HPD: variants seen among roughly 807,000 people sequenced by gnomAD.
HPD encodes 4-hydroxyphenylpyruvic acid oxidase.
HPD carries 35 observed loss-of-function variants against 56.9 expected under a neutral mutation model. That is an observed-to-expected ratio of 0.62 (90% CI 0.47 to 0.82). The LOEUF (loss-of-function observed/expected upper bound fraction) is 0.82, where lower values mean the gene tolerates loss of function less well. Among genes scored for constraint, HPD ranks in the 40% least tolerant of loss-of-function variants. The pLI, the probability that HPD is intolerant of heterozygous loss-of-function variation, is 0.00. For missense variants in HPD, 442 were observed against 506.8 expected (o/e 0.87, Z 1.23); for synonymous variants, 186 against 200.2 (o/e 0.93, Z 0.60).
In HPD at chr12:121,845,600, C is replaced by CA. The variant is rs368263414; in HGVS notation, c.831+1261dup. Among the ~76,000 whole-genome samples the CA allele has an allele frequency of 6.6e-3, 609 of 92,526 alleles. 5 individuals are homozygous for CA. Among genetic ancestry groups the CA allele is most frequent in the African/African-American group, 0.021 (496 of 23,504 alleles). 60.7% of individuals were successfully genotyped at this position (92,526 alleles called of 152,430 possible). A position where few individuals can be genotyped will look rare whatever the true frequency, so the allele number is the denominator to read the frequency against. On this transcript the variant is annotated intron_variant, in intron 11 of 13. Coordinates refer to ENST00000289004, the MANE Select transcript of HPD (RefSeq NM_002150.3). The stretch of plus-strand genomic sequence containing the variant: ...TGGGCGACAGAGCCAGGCTCCGTCT[C>CA]AAAAAAAAAAAAAAAAAAAAGGATG...
the HPD span, among the ~76,000 whole-genome samples, chr12:121,880,201 TTC>T: frequency 6.6e-6 from 1 of 151,854 alleles, no homozygotes; most frequent in Non-Finnish European, 1.5e-5. Flanking sequence ...GATTTCTTTT[TTC>T]TTTCTTTCTT....
chr12:121,873,370 T>C, the HPD span, among the ~76,000 whole-genome samples: 1 of 152,168 alleles, frequency 6.6e-6, no homozygotes, highest in African/African-American at 2.4e-5. Flanking sequence ...GTAGAGAGGC[T>C]GGTCCCTTTC....
At chr12:121,871,529 C>T in the HPD span, among the ~76,000 whole-genome samples, 1 of 152,302 alleles carries the variant, frequency 6.6e-6, no homozygotes, top group Admixed American at 6.5e-5. Context: ...ACAGCTCTCC[C>T]AAGCAAGGGC....
At chr12:121,849,415 GA>G (rs1877690626) in intron 8 of HPD, among the ~76,000 whole-genome samples, 1 of 152,050 alleles carries the variant, frequency 6.6e-6, no homozygotes, top group African/African-American at 2.4e-5. Context: ...TACAGATGAA[GA>G]AACTGAGGCC....
At chr12:121,861,480 C>T (rs1427351110), upstream of HPD, among the ~76,000 whole-genome samples, 7 of 151,800 alleles carry the variant, frequency 4.6e-5, no homozygotes, top group Admixed American at 1.3e-4. Context: ...CCAGCCTGGG[C>T]GACAGAATGA....
At chr12:121,846,290 C>G (rs1877580090) in intron 11 of HPD, among the ~76,000 whole-genome samples, 1 of 152,166 alleles carries the variant, frequency 6.6e-6, no homozygotes, top group African/African-American at 2.4e-5. Context: ...GACCTTGGCT[C>G]ACTGCAACCT....
At chr12:121,840,139 G>A in intron 12 of HPD, 91 bp from the exon 13 acceptor site, 1 of 851,740 alleles carries the variant, frequency 1.2e-6, no homozygotes, top group Non-Finnish European at 2.0e-6. Flanking sequence ...CAAAAGTCTG[G>A]AAATGACCTC....
chr12:121,859,490 G>T (rs1878120889), upstream of HPD, among the ~76,000 whole-genome samples: 1 of 152,226 alleles, frequency 6.6e-6, no homozygotes, highest in African/African-American at 2.4e-5. Context: ...CCTAGGCCAT[G>T]AGGTCAGCAA....
intron 6 of HPD, among the ~76,000 whole-genome samples, chr12:121,855,098 A>C (rs2137628572): frequency 6.6e-6 from 1 of 152,284 alleles, no homozygotes; most frequent in East Asian, 1.9e-4. Flanking sequence ...CAATTTCACC[A>C]TCTGTAAAAA....
chr12:121,842,573 A>T (rs1045571022), intron 12 of HPD, among the ~76,000 whole-genome samples: 1 of 151,586 alleles, frequency 6.6e-6, no homozygotes, highest in Admixed American at 6.6e-5. Context: ...CCACAGACAC[A>T]GATCACCACG....
At position 121,843,679 on chromosome 12, in the gene HPD, C is replaced by G. The variant is rs201689528; in HGVS notation, c.954+31G>C. ...TGCAATGCAGAGCTCATACTCCCCC[C>G]ACAAGGCTGCGGATCCTGCCTGGGC... On this transcript the variant is annotated intron_variant, in intron 12 of 13. Coordinates refer to ENST00000289004, the MANE Select transcript of HPD (RefSeq NM_002150.3). 4.0e-5 allele frequency: 65 copies of G among 1,613,480 alleles called. 2 individuals carry two copies. In the Middle Eastern group the frequency reaches 1.8e-3, roughly 46 times the overall value.
At chr12:121,853,490 C>T (rs545951860) in intron 7 of HPD, among the ~76,000 whole-genome samples, 41 of 151,404 alleles carry the variant, frequency 2.7e-4, no homozygotes, top group African/African-American at 8.2e-4. Context: ...GGCGTGGTGG[C>T]GGGCGCCTGT....
chr12:121,852,878 C>T (rs574813057), intron 7 of HPD, among the ~76,000 whole-genome samples: 137 of 151,304 alleles, frequency 9.1e-4, no homozygotes, highest in African/African-American at 2.8e-3. Flanking sequence ...GTGATTCGCC[C>T]GCCTCAGCCT....
At chr12:121,888,121 T>A in the HPD span, among the ~76,000 whole-genome samples, 2 of 152,222 alleles carry the variant, frequency 1.3e-5, no homozygotes, top group African/African-American at 4.8e-5. Context: ...TGGCACATTA[T>A]AAGTATCAAT....
chr12:121,858,921 C>A, upstream of HPD: 2 of 1,446,772 alleles, frequency 1.4e-6, no homozygotes, highest in East Asian at 2.3e-5. Flanking sequence ...GCCTCCTGGC[C>A]TACCTGGGGG....
intron 12 of HPD, among the ~76,000 whole-genome samples, chr12:121,840,619 G>A (rs1463466360): frequency 6.6e-6 from 1 of 152,000 alleles, no homozygotes; most frequent in Non-Finnish European, 1.5e-5. Flanking sequence ...TTTAAAAGTC[G>A]GATCATGTCA....
chr12:121,860,418 A>C (rs1182645646), upstream of HPD, among the ~76,000 whole-genome samples: 1 of 152,198 alleles, frequency 6.6e-6, no homozygotes, highest in African/African-American at 2.4e-5. Context: ...AGTGGGTTGC[A>C]AAGGCTGGCA....
chr12:121,845,842 G>A (rs528015483), intron 11 of HPD, among the ~76,000 whole-genome samples: 1 of 152,210 alleles, frequency 6.6e-6, no homozygotes, highest in African/African-American at 2.4e-5. Flanking sequence ...GGCAGAAACT[G>A]TTATAGGCAT....
intron 11 of HPD, among the ~76,000 whole-genome samples, chr12:121,846,000 A>T (rs977297859): frequency 1.3e-5 from 2 of 152,106 alleles, no homozygotes; most frequent in Non-Finnish European, 2.9e-5. Context: ...CCTTGGCTAA[A>T]TGGATCCTCC....
Sources: allele counts gnomAD v4.1 joint callset (sites outside exome capture counted in the v4.1 genomes callset), GRCh38; gene constraint gnomAD v4.1.1; transcripts MANE v1.5; gene names NCBI Gene and HGNC (gene_info 2026-07-23, HGNC 2026-07-21).